The following CCDC33 variants were observed in gnomAD, a reference collection of about 807,000 sequenced individuals.
The protein encoded by CCDC33 is coiled-coil domain containing 33.
A neutral mutation model predicts 91.9 loss-of-function variants in CCDC33; 94 were observed. The ratio of observed to expected loss-of-function variants is 1.02; its 90% confidence interval spans 0.87 to 1.21. The LOEUF is 1.21. CCDC33 is among the 50% of genes most tolerant of loss of function. The pLI, the probability that CCDC33 is intolerant of heterozygous loss-of-function variation, is 0.00. For synonymous variants in CCDC33, 396 were observed against 374.5 expected, an observed-to-expected ratio of 1.06 and a Z score of -0.66; for missense variants, 940 against 935.5, an observed-to-expected ratio of 1.00 and a Z score of -0.06.
chr15:74,281,959 A>G, intron 10 of CCDC33, 110 bp downstream of exon 10: 1 of 888,802 alleles, frequency 1.1e-6, no homozygotes, highest in South Asian at 1.5e-5. Flanking sequence ...GGATGGGACT[A>G]CTACTTTGGA....
rs138418473 is a variant in CCDC33, at chr15:74,291,750, G to T, written c.1096-4004G>T. Among the ~76,000 whole-genome samples, 531 of 152,364 alleles carry T rather than the reference G, an allele frequency of 3.5e-3. 7 individuals are homozygous for T. Among genetic ancestry groups the T allele is most frequent in the African/African-American group, 0.012 (514 of 41,594 alleles). ...TGATTGGGGATCTAGGGGATGGAAT[G>T]GGTAGGAGGAAGGCAGAGGATGTTG... is the stretch of plus-strand genomic sequence containing the variant. On this transcript the variant is annotated intron_variant, in intron 10 of 18. Transcript: ENST00000398814.
At chr15:74,262,774 C>A (rs1368485150) in intron 3 of CCDC33, among the ~76,000 whole-genome samples, 3 of 152,196 alleles carry the variant, frequency 2.0e-5, no homozygotes, top group Non-Finnish European at 4.4e-5. Context: ...AGTTGTTCCA[C>A]ATAAATGAAT....
At chr15:74,335,811 AT>A (rs1349928847) in intron 18 of CCDC33, 113 bp from the exon 19 acceptor site, 1 of 799,062 alleles carries the variant, frequency 1.3e-6, no homozygotes, top group African/African-American at 1.7e-5. Flanking sequence ...TTGCCAGGTC[AT>A]GGCCCACTGG....
chr15:74,244,426 G>A lies in CCDC33; in HGVS notation c.185+278G>A, dbSNP rs962943485. 1.3e-5 allele frequency among the ~76,000 whole-genome samples: 2 copies of A among 152,084 alleles called. No homozygotes were observed. Among genetic ancestry groups the A allele is most frequent in the African/African-American group, 2.4e-5 (1 of 41,416 alleles). On this transcript the variant is annotated intron_variant, in intron 2 of 18. Transcript: ENST00000398814. This position sits in a 1 kb window ranked among gnomAD's most constrained non-coding sequence, Gnocchi z 4.2. Reference sequence around the variant, plus strand: ...TTGGTCACAGCTCAGCTCCAGTGGGGCAGGTTCCTTGTATGCAAAAGTCTG... The same window carrying A: ...TTGGTCACAGCTCAGCTCCAGTGGGACAGGTTCCTTGTATGCAAAAGTCTG...
chr15:74,301,753 T>G (rs923621672), intron 11 of CCDC33: 3 of 152,192 alleles, frequency 2.0e-5, no homozygotes, highest in Non-Finnish European at 2.9e-5. Flanking sequence ...GGAAGAATTG[T>G]GTATTCAGTG....
At chr15:74,274,926 C>G (rs1351599007) in intron 7 of CCDC33, among the ~76,000 whole-genome samples, 1 of 152,250 alleles carries the variant, frequency 6.6e-6, no homozygotes, top group African/African-American at 2.4e-5. Flanking sequence ...GCAGCTGGCA[C>G]AGAGGTGCCC....
rs755898743 is a variant in CCDC33, at chr15:74,335,047, G to A, written c.2098G>A (p.Gly700Ser). Residue 700 changes from glycine to serine, a missense_variant, in exon 18 of 19, where the codon GGT becomes AGT. By Grantham distance (56) the Gly-to-Ser change is moderately conservative. Coordinates refer to ENST00000398814, the MANE Select transcript of CCDC33 (RefSeq NM_025055.5). Reference sequence around the variant, plus strand: ...CACACGGCTGCAGGAGCAAGAAAAAGGTTTCAGGCACCCCTCGAACTCCAT... The same window carrying A: ...CACACGGCTGCAGGAGCAAGAAAAAAGTTTCAGGCACCCCTCGAACTCCAT... The part of the protein sequence containing the change: ...LATRLQEQEK[G>S]FRHPSNSIII... 6.2e-7 allele frequency: 1 copy of A among 1,614,130 alleles called. No individual in the cohort carries two copies.
At chr15:74,324,304 T>C (rs969890646) in intron 11 of CCDC33, among the ~76,000 whole-genome samples, 1 of 152,070 alleles carries the variant, frequency 6.6e-6, no homozygotes, top group Non-Finnish European at 1.5e-5. Flanking sequence ...CATGGTTTCT[T>C]ATTGCTCTGA....
Position 74,330,219 on chromosome 15 carries a change from A to T in CCDC33, c.1321A>T (p.Lys441Ter). The T allele has an allele frequency of 6.2e-7, 1 of 1,611,274 alleles. No homozygotes were observed. Among genetic ancestry groups the T allele is most frequent in the South Asian group, 1.1e-5 (1 of 90,920 alleles). The change falls in exon 12 of 19, where the codon AAG (lysine) becomes TAG (stop). Residue 441 changes from lysine (K) to a stop codon, truncating the protein, a stop_gained. Coordinates refer to ENST00000398814, the MANE Select transcript of CCDC33 (RefSeq NM_025055.5). LOFTEE classifies it high-confidence loss of function. ...GAACAACTACCGGCGGGCCATGCAG[A>T]AGATGGCAGAGGACATCCTGTCTCT... is the stretch of plus-strand genomic sequence containing the variant. ...EMNNYRRAMQ[K>*]MAEDILSLRR...
intron 18 of CCDC33, 31 bp downstream of exon 18, chr15:74,335,119 GGTTCAGGTGGT>G (rs1173989871): frequency 6.5e-7 from 1 of 1,539,870 alleles, no homozygotes; most frequent in East Asian, 2.2e-5. Flanking sequence ...AGCTCCCAGG[GGTTCAGGTGGT>G]GGAGCAGGAA....
At chr15:74,330,853 T>G (rs2060418083) in intron 13 of CCDC33, 102 bp downstream of exon 13, 1 of 1,504,228 alleles carries the variant, frequency 6.6e-7, no homozygotes, top group Non-Finnish European at 9.1e-7. Context: ...ACAGAGGGAA[T>G]GGAAGCACGG....
In CCDC33 at chr15:74,272,714, G is replaced by A. The variant is rs772276345; in HGVS notation, c.639-57G>A. On this transcript the variant is annotated intron_variant, in intron 6 of 18. Coordinates refer to ENST00000398814, the MANE Select transcript of CCDC33 (RefSeq NM_025055.5). The stretch of plus-strand genomic sequence containing the variant: ...CCAGAGTCTAAGCGGGGGGCCCTGG[G>A]CTGCCAGGCTCAGGTGCAGAGCCCA... 5.0e-5 allele frequency: 80 copies of A among 1,596,276 alleles called. 1 individual carries two copies. The highest frequency in any genetic ancestry group is 6.0e-5 in the Non-Finnish European group (70 of 1,173,052).
rs2074500692 is a variant in CCDC33 at position 74,218,307 on chromosome 15, C to T, written c.311-190C>T. Among the ~76,000 whole-genome samples, 1 of 152,156 alleles carries T rather than the reference C, an allele frequency of 6.6e-6. No individual in the cohort carries two copies. The highest frequency in any genetic ancestry group is 1.5e-5 in the Non-Finnish European group (1 of 68,026). ...CCGGTGGGCTTGGATTGGGCATCAG[C>T]AAAGGGAGGGAGCCATGGGTGGGGC... On this transcript the variant is annotated intron_variant, in intron 1 of 2. Transcript: ENST00000635913. The surrounding 1 kb of genome is among the most constrained non-coding windows in gnomAD (Gnocchi z 4.8).
intron 11 of CCDC33, among the ~76,000 whole-genome samples, chr15:74,309,001 GC>G (rs1377461828): frequency 6.6e-6 from 1 of 152,088 alleles, no homozygotes; most frequent in East Asian, 1.9e-4. Flanking sequence ...CCTGTGGAGG[GC>G]CAGTGGGCTC....
rs2074501007 is a variant in CCDC33, at chr15:74,218,325, G to A, written c.311-172G>A. 4.6e-5 allele frequency among the ~76,000 whole-genome samples: 7 copies of A among 152,144 alleles called. No individual in the cohort carries two copies. The highest frequency in any genetic ancestry group is 4.6e-4 in the Admixed American group (7 of 15,284). On this transcript the variant is annotated intron_variant, in intron 1 of 2. Coordinates refer to the CCDC33 transcript ENST00000635913. The surrounding 1 kb of genome is among the most constrained non-coding windows in gnomAD (Gnocchi z 4.8). Reference sequence around the variant, plus strand: ...GCATCAGCAAAGGGAGGGAGCCATGGGTGGGGCCTAGGAGGGAGTCGCCTA... The same window carrying A: ...GCATCAGCAAAGGGAGGGAGCCATGAGTGGGGCCTAGGAGGGAGTCGCCTA...
chr15:74,292,746 G>A (rs1400485433), intron 10 of CCDC33, among the ~76,000 whole-genome samples: 2 of 152,146 alleles, frequency 1.3e-5, no homozygotes, highest in African/African-American at 4.8e-5. Context: ...GCCAGCCCCA[G>A]GGTAGGGCAG....
At chr15:74,260,561 T>C (rs2075994512) in intron 2 of CCDC33, among the ~76,000 whole-genome samples, 1 of 152,230 alleles carries the variant, frequency 6.6e-6, no homozygotes, top group South Asian at 2.1e-4. Context: ...CATGCTTTCT[T>C]TCCAGTCCTT....
chr15:74,217,272 A>G (rs1234303442), exon 1 of CCDC33: 3 of 1,265,642 alleles, frequency 2.4e-6, no homozygotes, highest in African/African-American at 1.5e-5. Context: ...CTCAGTGGCC[A>G]TGGCATTCAG....
intron 11 of CCDC33, among the ~76,000 whole-genome samples, chr15:74,326,483 C>T (rs1291391141): frequency 2.0e-5 from 3 of 152,210 alleles, no homozygotes; most frequent in Non-Finnish European, 2.9e-5. Context: ...CGGATGAGGA[C>T]GCTAAGGCTC....
Sources: gnomAD v4.1 joint callset for allele counts (sites outside exome capture counted in the v4.1 genomes callset) on GRCh38, gnomAD v4.1.1 for gene constraint, Gnocchi (gnomAD v3.1) non-coding constraint, MANE v1.5 for transcripts, NCBI Gene and HGNC (gene_info 2026-07-23, HGNC 2026-07-21) for gene names.